The following KLHL42 variants were observed in gnomAD, a reference collection of about 807,000 sequenced individuals.
The protein encoded by KLHL42 is kelch-like protein 42.
Under a neutral mutation model 32.7 loss-of-function variants are expected in KLHL42, and 27 were observed. The observed-to-expected ratio is 0.83, with a 90% CI of 0.61 to 1.14. The LOEUF is 1.14. Among genes scored for constraint, KLHL42 ranks in the 50% most tolerant of loss-of-function variants. The pLI is 0.00. For missense variants in KLHL42, 491 were observed against 560.8 expected (o/e 0.88, Z 1.26); for synonymous variants, 267 against 248.2 (o/e 1.08, Z -0.71).
At chr12:27,792,722 C>T (rs2140820304) in intron 2 of KLHL42, among the ~76,000 whole-genome samples, 1 of 152,116 alleles carries the variant, frequency 6.6e-6, no homozygotes, top group East Asian at 1.9e-4. Context: ...GGGGTTTCAC[C>T]ATGTTGGCCA....
Position 27,780,771 on chromosome 12 carries a change from G to C in KLHL42, c.441G>C (p.Glu147Asp), listed in dbSNP as rs754799256. Residue 147 changes from glutamate to aspartate, a missense_variant, in exon 1 of 3, where the codon GAG becomes GAC. Physicochemically the swap from Glu to Asp is conservative, Grantham distance 45 (BLOSUM62 2). Transcript: ENST00000381271. This position sits in a 1 kb window ranked among gnomAD's most constrained non-coding sequence, Gnocchi z 8.8. ...TGTACGGGCTGCCCGACCTGCAGGA[G>C]GCCTGCCTGCGCTTCATGGTCGTCC... ...AQVYGLPDLQ[E>D]ACLRFMVVHF... The C allele has an allele frequency of 6.2e-7, 1 of 1,613,350 alleles. No individual in the cohort carries two copies. Among genetic ancestry groups the C allele is most frequent in the African/African-American group, 1.3e-5 (1 of 75,080 alleles).
At chr12:27,797,386 T>G in intron 2 of KLHL42, 1 of 498,142 alleles carries the variant, frequency 2.0e-6, no homozygotes, top group Non-Finnish European at 3.9e-6. Context: ...TCTGAGGCAC[T>G]TACTTTTTTT....
rs1266929760 is a variant in KLHL42, at chr12:27,797,683, G to A, written c.1067-32G>A. The A allele has an allele frequency of 2.8e-5, 19 of 674,686 alleles. No homozygotes were observed. The East Asian group carries it at 4.5e-4, about 16-fold the overall frequency. The allele number at this position is 674,686 out of a possible 1,614,324, so 41.8% of individuals were successfully genotyped here. On this transcript the variant is annotated intron_variant, in intron 2 of 2. Coordinates refer to ENST00000381271, the MANE Select transcript of KLHL42 (RefSeq NM_020782.2). ...GACTTGCCTAGTGGTGTTAGTGGAG[G>A]CGGTGTCATCACTTGTCTTTCTTTC...
chr12:27,791,507 G>A (rs1028496632), intron 1 of KLHL42, among the ~76,000 whole-genome samples: 3 of 152,212 alleles, frequency 2.0e-5, no homozygotes, highest in Non-Finnish European at 2.9e-5. Context: ...TTTGGACAGT[G>A]TGCCATTCCC....
At position 27,780,594 on chromosome 12, in the gene KLHL42, C is replaced by T. The variant is rs375487509; in HGVS notation, c.264C>T (p.Gly88=). The change falls in exon 1 of 3, where the codon GGC becomes GGT. Residue 88 remains glycine (G), a synonymous_variant. Transcript: ENST00000381271. This position sits in a 1 kb window ranked among gnomAD's most constrained non-coding sequence, Gnocchi z 8.8. ...WLLGPRGEKG[G]GVDEDEEMDE... ...TGGGCCCGCGCGGGGAAAAGGGCGG[C>T]GGGGTGGACGAGGACGAGGAGATGG... 132 of 1,542,560 alleles carry T rather than the reference C, an allele frequency of 8.6e-5. No homozygotes were observed. Among genetic ancestry groups the T allele is most frequent in the Admixed American group, 4.4e-4 (22 of 49,790 alleles).
intron 2 of KLHL42, among the ~76,000 whole-genome samples, chr12:27,796,863 C>T (rs2062221056): frequency 6.6e-6 from 1 of 152,060 alleles, no homozygotes; most frequent in Admixed American, 6.5e-5. Context: ...TCTCGAACCC[C>T]TAGGCTCAAG....
At chr12:27,797,687 T>G (rs1591817249) in intron 2 of KLHL42, 28 bp from the exon 3 acceptor site, 1 of 675,478 alleles carries the variant, frequency 1.5e-6, no homozygotes, top group African/African-American at 1.8e-5. Flanking sequence ...GTGGAGGCGG[T>G]GTCATCACTT....
At position 27,780,639 on chromosome 12, in the gene KLHL42, C is replaced by G. The variant is rs781304705; in HGVS notation, c.309C>G (p.Ser103=). Residue 103 remains serine, a synonymous_variant, in exon 1 of 3, where the codon TCC becomes TCG. Transcript: ENST00000381271. This position sits in a 1 kb window ranked among gnomAD's most constrained non-coding sequence, Gnocchi z 8.8. ...AGATGGATGAGGTGAGCCTGCTGTC[C>G]GAGCTGGTGGAGGCGGCCTCCTTCC... ...DEEMDEVSLL[S]ELVEAASFLQ... 5 of 1,572,804 alleles carry G rather than the reference C, an allele frequency of 3.2e-6. No homozygotes were observed. The East Asian group carries it at 6.8e-5, about 21-fold the overall frequency.
At position 27,800,297 on chromosome 12, in the gene KLHL42, C is replaced by G. The variant is rs2062238731; in HGVS notation, c.*2131C>G. ...TTCTTGGACCAAGTGAGGGTGTACT[C>G]TGATCCACAAAGCTCTTTTATAAAC... On this transcript the variant is annotated 3_prime_UTR_variant, in exon 3 of 3. Transcript: ENST00000381271. The G allele has an allele frequency of 1.0e-6, 1 of 985,238 alleles. No individual in the cohort carries two copies. The highest frequency in any genetic ancestry group is 1.2e-6 in the Non-Finnish European group (1 of 829,946). 61.0% of individuals were successfully genotyped at this position (985,238 alleles called of 1,614,324 possible). A position where few individuals can be genotyped will look rare whatever the true frequency, so the allele number is the denominator to read the frequency against.
chr12:27,783,913 C>G (rs1032510629), intron 1 of KLHL42, among the ~76,000 whole-genome samples: 2 of 152,142 alleles, frequency 1.3e-5, no homozygotes, highest in African/African-American at 2.4e-5. Flanking sequence ...GGCTGCGTGG[C>G]ATTCCAGCCT....
intron 1 of KLHL42, among the ~76,000 whole-genome samples, chr12:27,785,003 T>C (rs2062165587): frequency 1.3e-5 from 2 of 152,220 alleles, no homozygotes; most frequent in African/African-American, 4.8e-5. Flanking sequence ...TTTCCCATGC[T>C]GTTATTTTTT....
Position 27,780,591 on chromosome 12 carries a change from C to A in KLHL42, c.261C>A (p.Gly87=), listed in dbSNP as rs1212632748. The part of the protein sequence containing the change: ...GWLLGPRGEK[G]GGVDEDEEMD... ...TCCTGGGCCCGCGCGGGGAAAAGGG[C>A]GGCGGGGTGGACGAGGACGAGGAGA... Residue 87 remains glycine, a synonymous_variant, in exon 1 of 3, where the codon GGC becomes GGA. Coordinates refer to ENST00000381271, the MANE Select transcript of KLHL42 (RefSeq NM_020782.2). This position sits in a 1 kb window ranked among gnomAD's most constrained non-coding sequence, Gnocchi z 8.8. 2 of 1,542,450 alleles carry A rather than the reference C, an allele frequency of 1.3e-6. No individual in the cohort carries two copies. The highest frequency in any genetic ancestry group is 1.7e-6 in the Non-Finnish European group (2 of 1,147,358).
At position 27,798,982 on chromosome 12, in the gene KLHL42, T is replaced by G. The variant is rs1184052510; in HGVS notation, c.*816T>G. On this transcript the variant is annotated 3_prime_UTR_variant, in exon 3 of 3. Transcript: ENST00000381271. ...ATGAATATTATTAAAAATTGAGTCT[T>G]AAATTTAAATGGGAAGGGAAGAAAA... 1.3e-5 allele frequency: 2 copies of G among 152,550 alleles called. No homozygotes were observed. Among genetic ancestry groups the G allele is most frequent in the African/African-American group, 4.8e-5 (2 of 41,412 alleles). The allele number at this position is 152,550 out of a possible 1,614,324, so 9.4% of individuals were successfully genotyped here. A position where few individuals can be genotyped will look rare whatever the true frequency, so the allele number is the denominator to read the frequency against.
chr12:27,790,796 G>A (rs1325301647), intron 1 of KLHL42, among the ~76,000 whole-genome samples: 1 of 152,164 alleles, frequency 6.6e-6, no homozygotes, highest in African/African-American at 2.4e-5. Flanking sequence ...TATAACCCTA[G>A]CACTTTGGGA....
At chr12:27,783,827 G>A (rs147116894) in intron 1 of KLHL42, among the ~76,000 whole-genome samples, 5,611 of 152,040 alleles carry the variant, frequency 0.037, 346 homozygotes, top group African/African-American at 0.13. Context: ...CTCGTGATCC[G>A]CCCGCCTCAG....
chr12:27,791,960 G>T, intron 2 of KLHL42, 59 bp downstream of exon 2: 2 of 1,465,018 alleles, frequency 1.4e-6, no homozygotes, highest in South Asian at 1.2e-5. Context: ...AGTCTGGGAA[G>T]GGCAAGAGGG....
rs949601349 is a variant in KLHL42 at position 27,800,959 on chromosome 12, G to A, written c.*2793G>A. The stretch of plus-strand genomic sequence containing the variant: ...TGAATGGTAGAGAGTCCTGTGTGTG[G>A]GTTGTTAGAAGGTTGGTTCTTCCTG... On this transcript the variant is annotated 3_prime_UTR_variant, in exon 3 of 3. Transcript: ENST00000381271. 6.6e-6 allele frequency: 1 copy of A among 152,126 alleles called. No individual in the cohort carries two copies. Among genetic ancestry groups the A allele is most frequent in the Admixed American group, 6.5e-5 (1 of 15,284 alleles). The allele number at this position is 152,126 out of a possible 1,614,324, so 9.4% of individuals were successfully genotyped here.
At position 27,798,413 on chromosome 12, in the gene KLHL42, G is replaced by A. The variant is rs1012075630; in HGVS notation, c.*247G>A. ...TGGGAGCAAATCCATCTCCAAACAT[G>A]ATACTCTTGGGCCAATGACGGATCA... On this transcript the variant is annotated 3_prime_UTR_variant, in exon 3 of 3. Coordinates refer to ENST00000381271, the MANE Select transcript of KLHL42 (RefSeq NM_020782.2). 5 of 457,028 alleles carry A rather than the reference G, an allele frequency of 1.1e-5. No individual in the cohort carries two copies. Among genetic ancestry groups the A allele is most frequent in the Non-Finnish European group, 2.0e-5 (5 of 255,548 alleles). 28.3% of individuals were successfully genotyped at this position (457,028 alleles called of 1,614,324 possible). A position where few individuals can be genotyped will look rare whatever the true frequency, so the allele number is the denominator to read the frequency against.
At chr12:27,788,200 A>T (rs942436771) in intron 1 of KLHL42, 1 of 151,962 alleles carries the variant, frequency 6.6e-6, no homozygotes, top group African/African-American at 2.4e-5. Context: ...TCTAATTTTT[A>T]CTCTGATGGT....
Sources: gnomAD v4.1 joint callset for allele counts (sites outside exome capture counted in the v4.1 genomes callset) on GRCh38, gnomAD v4.1.1 for gene constraint, Gnocchi (gnomAD v3.1) non-coding constraint, MANE v1.5 for transcripts, NCBI Gene and HGNC (gene_info 2026-07-23, HGNC 2026-07-21) for gene names.